The following ADAMTSL1 variants were observed in gnomAD, a reference collection of about 807,000 sequenced individuals.
The protein encoded by ADAMTSL1 is ADAMTS-like protein 1.
In ADAMTSL1, 126 loss-of-function variants were observed where a neutral mutation model predicts 201.8. The ratio of observed to expected loss-of-function variants is 0.62; its 90% CI spans 0.54 to 0.72. ADAMTSL1 has a LOEUF of 0.72. Ranked by LOEUF, ADAMTSL1 falls within the 30% of genes least tolerant of loss-of-function variation. ADAMTSL1 has a pLI of 0.00. For missense variants in ADAMTSL1, 2,679 were observed against 2,277.8 expected, an observed-to-expected ratio of 1.18 and a Z score of -3.59; for synonymous variants, 1,121 against 903.4, an observed-to-expected ratio of 1.24 and a Z score of -4.32.
chr9:18,351,253 C>CA (rs199510703), intron 2 of ADAMTSL1, among the ~76,000 whole-genome samples: 91 of 120,858 alleles, frequency 7.5e-4, no homozygotes, highest in Admixed American at 2.1e-3. Context: ...GATGAAAGAC[C>CA]AAAAAAAAAA....
chr9:18,453,921 T>C (rs1426550414), intron 2 of ADAMTSL1, among the ~76,000 whole-genome samples: 1 of 152,212 alleles, frequency 6.6e-6, no homozygotes, highest in Non-Finnish European at 1.5e-5. Flanking sequence ...AAACTCATTC[T>C]TATAATTATC....
At chr9:18,515,356 A>T (rs1818300895) in intron 2 of ADAMTSL1, among the ~76,000 whole-genome samples, 1 of 152,180 alleles carries the variant, frequency 6.6e-6, no homozygotes, top group Admixed American at 6.5e-5. Flanking sequence ...GTTTTTTGAG[A>T]CAAGGTCTGG....
intron 2 of ADAMTSL1, among the ~76,000 whole-genome samples, chr9:18,525,225 G>T (rs1032211047): frequency 2.0e-5 from 3 of 152,142 alleles, no homozygotes; most frequent in African/African-American, 7.2e-5. Context: ...TACTTTATTT[G>T]CATAGAGGTG....
intron 2 of ADAMTSL1, among the ~76,000 whole-genome samples, chr9:18,261,659 A>G (rs1280240982): frequency 1.3e-5 from 2 of 152,222 alleles, no homozygotes; most frequent in Non-Finnish European, 2.9e-5. Context: ...AAAGTCTGTC[A>G]TTTATCAATA....
chr9:17,967,457 G>A (rs1281463988), intron 1 of ADAMTSL1, among the ~76,000 whole-genome samples: 1 of 152,054 alleles, frequency 6.6e-6, no homozygotes, highest in East Asian at 1.9e-4. Flanking sequence ...AGTAATACCA[G>A]CTAACATTCA....
At chr9:17,938,649 C>T (rs1007990801) in intron 1 of ADAMTSL1, among the ~76,000 whole-genome samples, 1 of 152,124 alleles carries the variant, frequency 6.6e-6, no homozygotes, top group African/African-American at 2.4e-5. Flanking sequence ...GGAAAGCCCC[C>T]GACCAAACAA....
chr9:18,189,109 C>T (rs1828862205), intron 2 of ADAMTSL1, among the ~76,000 whole-genome samples: 1 of 152,092 alleles, frequency 6.6e-6, no homozygotes, highest in Non-Finnish European at 1.5e-5. Flanking sequence ...TTATATTTCC[C>T]ACCAGCTAAT....
intron 1 of ADAMTSL1, among the ~76,000 whole-genome samples, chr9:18,017,087 A>G (rs994143525): frequency 1.3e-5 from 2 of 152,054 alleles, no homozygotes; most frequent in Non-Finnish European, 2.9e-5. Context: ...GACCCATGCA[A>G]TGATTCCAGA....
At chr9:18,237,138 C>T (rs539281393) in intron 2 of ADAMTSL1, among the ~76,000 whole-genome samples, 1 of 152,300 alleles carries the variant, frequency 6.6e-6, no homozygotes, top group African/African-American at 2.4e-5. Context: ...CTTCTTTAAT[C>T]TTAAACTCTA....
At chr9:18,172,342 T>C (rs1827937068) in intron 2 of ADAMTSL1, among the ~76,000 whole-genome samples, 1 of 151,990 alleles carries the variant, frequency 6.6e-6, no homozygotes, top group African/African-American at 2.4e-5. Flanking sequence ...AAATGAATCA[T>C]TAGAAGGACA....
At chr9:17,913,943 C>T (rs1435942832) in intron 1 of ADAMTSL1, among the ~76,000 whole-genome samples, 1 of 152,154 alleles carries the variant, frequency 6.6e-6, no homozygotes, top group Non-Finnish European at 1.5e-5. Flanking sequence ...AATTCCTCGA[C>T]ACATACACCC....
chr9:18,023,205 G>A (rs1820552770), intron 1 of ADAMTSL1, among the ~76,000 whole-genome samples: 1 of 152,022 alleles, frequency 6.6e-6, no homozygotes, highest in African/African-American at 2.4e-5. Flanking sequence ...CAAATTGTGG[G>A]CTGCATTAGA....
At chr9:18,687,363 T>A (rs537556485) in intron 13 of ADAMTSL1, among the ~76,000 whole-genome samples, 1 of 152,326 alleles carries the variant, frequency 6.6e-6, no homozygotes, top group East Asian at 1.9e-4. Context: ...CTGAAGCATA[T>A]TGAAAAAATG....
chr9:18,681,699 G>GTTGGGA (rs1444339305), intron 11 of ADAMTSL1, 113 bp from the exon 12 acceptor site: 28,167 of 271,760 alleles, frequency 0.1, 423 homozygotes, highest in East Asian at 0.11. Context: ...TCCTCGTGTG[G>GTTGGGA]GGGGGGGGGG....
chr9:18,351,211 G>T (rs1019039062), intron 2 of ADAMTSL1, among the ~76,000 whole-genome samples: 4 of 150,890 alleles, frequency 2.7e-5, no homozygotes, highest in East Asian at 1.9e-4. Context: ...AGCAGGTCAG[G>T]TTCCTTGGGA....
chr9:18,863,949 C>T (rs1827357758), intron 23 of ADAMTSL1, among the ~76,000 whole-genome samples: 1 of 152,154 alleles, frequency 6.6e-6, no homozygotes, highest in Non-Finnish European at 1.5e-5. Flanking sequence ...TCCCGACACA[C>T]ATCATTTTTA....
Position 18,909,290 on chromosome 9 carries a change from G to C in ADAMTSL1, c.*742G>C, listed in dbSNP as rs1034238490. On this transcript the variant is annotated 3_prime_UTR_variant, in exon 29 of 29. Coordinates refer to ENST00000380548, the MANE Select transcript of ADAMTSL1 (RefSeq NM_001040272.6). The stretch of plus-strand genomic sequence containing the variant: ...GAGCAGGGGCTTCCAGGCTGCATGA[G>C]GCTCATGGACCAGCTCTGATCCCAT... 2.6e-5 allele frequency: 4 copies of C among 152,772 alleles called. No homozygotes were observed. The highest frequency in any genetic ancestry group is 9.6e-5 in the African/African-American group (4 of 41,472). The allele number at this position is 152,772 out of a possible 1,614,324, so 9.5% of individuals were successfully genotyped here.
intron 1 of ADAMTSL1, among the ~76,000 whole-genome samples, chr9:18,157,613 A>G (rs1827212830): frequency 1.3e-5 from 2 of 152,006 alleles, no homozygotes; most frequent in African/African-American, 2.4e-5. Flanking sequence ...AGCATGTTCT[A>G]TCTCACTTCT....
At chr9:18,317,936 C>G (rs776052759) in intron 2 of ADAMTSL1, among the ~76,000 whole-genome samples, 3 of 152,190 alleles carry the variant, frequency 2.0e-5, no homozygotes, top group Non-Finnish European at 4.4e-5. Context: ...GTTTTGTTTT[C>G]TGTGCTGCTT....
Sources: gnomAD v4.1 joint callset for allele counts (sites outside exome capture counted in the v4.1 genomes callset) on GRCh38, gnomAD v4.1.1 for gene constraint, MANE v1.5 for transcripts, NCBI Gene and HGNC (gene_info 2026-07-23, HGNC 2026-07-21) for gene names.